Variants in POLQ observed in about 807,000 individuals in gnomAD.
POLQ encodes the protein epididymis secretory sperm binding protein.
A neutral mutation model predicts 259.2 loss-of-function variants in POLQ; 233 were observed. The observed-to-expected ratio is 0.90, with a 90% confidence interval of 0.81 to 1.00. The LOEUF (loss-of-function observed/expected upper bound fraction) is 1.00. Among genes scored for constraint, POLQ ranks in the 50% least tolerant of loss-of-function variants. POLQ has a pLI of 0.00. For synonymous variants in POLQ, 1,025 were observed against 1,048.8 expected, an observed-to-expected ratio of 0.98 and a Z score of 0.44; for missense variants, 2,871 against 3,051.6, an observed-to-expected ratio of 0.94 and a Z score of 1.39.
At position 121,487,615 on chromosome 3, in the gene POLQ, A is replaced by C. The variant is rs1401157698; in HGVS notation, c.5316T>G (p.Tyr1772Ter). 6.2e-7 allele frequency: 1 copy of C among 1,613,902 alleles called. No individual in the cohort carries two copies. Among genetic ancestry groups the C allele is most frequent in the Non-Finnish European group, 8.5e-7 (1 of 1,179,964 alleles). ...TAATATCTGAAGGTGAGCCAAATAA[A>C]TAACTTTCACCAGGTTGTAAAACAT... Reference protein sequence around the residue: ...TNNVLQPGESYLFGSPSDIKN... With the variant: ...TNNVLQPGES The change falls in exon 16 of 30, where the codon TAT becomes TAG. Residue 1772 changes from tyrosine to a stop codon, truncating the protein, a stop_gained. Coordinates refer to ENST00000264233, the MANE Select transcript of POLQ (RefSeq NM_199420.4). LOFTEE classifies it high-confidence loss of function.
At chr3:121,471,812 T>A (rs1035072646) in intron 22 of POLQ, among the ~76,000 whole-genome samples, 178 bp downstream of exon 22, 2 of 152,156 alleles carry the variant, frequency 1.3e-5, no homozygotes, top group East Asian at 3.8e-4. Flanking sequence ...CCAATACTCA[T>A]CTCTGTACCC....
chr3:121,519,794 T>A, intron 9 of POLQ, 77 bp downstream of exon 9: 2 of 797,354 alleles, frequency 2.5e-6, no homozygotes, highest in Non-Finnish European at 4.5e-6. Flanking sequence ...GAGAAACAGG[T>A]TGCCAGACAC....
At chr3:121,449,623 G>A (rs2047657062) in intron 25 of POLQ, among the ~76,000 whole-genome samples, 197 bp from the exon 26 acceptor site, 1 of 152,120 alleles carries the variant, frequency 6.6e-6, no homozygotes, top group African/African-American at 2.4e-5. Context: ...TACTTTTTGA[G>A]AGAGAGACAG....
intron 12 of POLQ, among the ~76,000 whole-genome samples, chr3:121,501,883 G>A (rs112510938): frequency 0.097 from 14,552 of 150,226 alleles, 1,025 homozygotes; most frequent in African/African-American, 0.19. Flanking sequence ...CCAGGGACTC[G>A]GGAGGCTGAG....
chr3:121,480,177 A>AT (rs940040457), intron 19 of POLQ, among the ~76,000 whole-genome samples: 6 of 151,456 alleles, frequency 4.0e-5, no homozygotes, highest in African/African-American at 1.2e-4. Context: ...TTGGAAAAAA[A>AT]ATATATATAT....
At chr3:121,499,925 T>C (rs1230388899) in intron 12 of POLQ, among the ~76,000 whole-genome samples, 5 of 152,136 alleles carry the variant, frequency 3.3e-5, no homozygotes, top group Non-Finnish European at 7.4e-5. Flanking sequence ...TCTCATTAAG[T>C]AGAGAATACA....
At chr3:121,476,330 T>C (rs2047924996) in intron 20 of POLQ, among the ~76,000 whole-genome samples, 1 of 152,152 alleles carries the variant, frequency 6.6e-6, no homozygotes, top group South Asian at 2.1e-4. Flanking sequence ...AGAAGTCCTC[T>C]TTATTACCTT....
intron 23 of POLQ, among the ~76,000 whole-genome samples, chr3:121,467,934 G>A (rs1184209631): frequency 6.6e-6 from 1 of 152,204 alleles, no homozygotes; most frequent in Non-Finnish European, 1.5e-5. Flanking sequence ...TCAGGAGGCT[G>A]AGGTGGGAGG....
chr3:121,478,261 A>T (rs2047942826), intron 19 of POLQ, among the ~76,000 whole-genome samples: 2 of 152,156 alleles, frequency 1.3e-5, no homozygotes. Context: ...AACCTTTCTA[A>T]GGGAAGATTT....
chr3:121,533,226 GA>G lies in POLQ; in HGVS notation c.741-18del. The G allele has an allele frequency of 6.7e-7, 1 of 1,491,860 alleles. No homozygotes were observed. The highest frequency in any genetic ancestry group is 9.1e-7 in the Non-Finnish European group (1 of 1,096,560). The allele number at this position is 1,491,860 out of a possible 1,614,324, so 92.4% of individuals were successfully genotyped here. A position where few individuals can be genotyped will look rare whatever the true frequency, so the allele number is the denominator to read the frequency against. ...TCTGCCTGACTGTAAAAAAACAAAT[GA>G]AAAGAACATTAAAAGATATATAATA... is the stretch of plus-strand genomic sequence containing the variant. On this transcript the variant is annotated intron_variant, in intron 5 of 29. Transcript: ENST00000264233.
intron 12 of POLQ, among the ~76,000 whole-genome samples, chr3:121,500,970 G>GT (rs2048162815): frequency 6.6e-6 from 1 of 152,098 alleles, no homozygotes; most frequent in African/African-American, 2.4e-5. Context: ...ACTAAACATT[G>GT]TTTTTTCTTT....
intron 15 of POLQ, 47 bp downstream of exon 15, chr3:121,493,431 T>A (rs201876680): frequency 1.4e-5 from 2 of 138,700 alleles, no homozygotes; most frequent in African/African-American, 8.1e-5. Flanking sequence ...AAAATTGACA[T>A]TTTTTTTTTA....
intron 24 of POLQ, among the ~76,000 whole-genome samples, chr3:121,461,383 T>G (rs2047789992): frequency 1.3e-5 from 2 of 152,190 alleles, no homozygotes; most frequent in South Asian, 4.1e-4. Flanking sequence ...CCAGGCACAG[T>G]GTCTCATGCC....
chr3:121,462,986 A>G (rs1194156755), intron 24 of POLQ, among the ~76,000 whole-genome samples: 3 of 152,234 alleles, frequency 2.0e-5, no homozygotes. Flanking sequence ...CAATGCTTCA[A>G]TATTTGTTTA....
Position 121,529,704 on chromosome 3 carries a change from C to T in POLQ, c.1049G>A (p.Cys350Tyr), listed in dbSNP as rs777928245. ...AGCAATGATATCTGCCAGCTTCTCA[C>T]ACCATTTCTTTGATGGACAAAAAAG... Reference protein sequence around the residue: ...VLLFCPSKKWCEKLADIIARE... With the variant: ...VLLFCPSKKWYEKLADIIARE... Residue 350 changes from cysteine to tyrosine, a missense_variant, in exon 7 of 30, where the codon TGT becomes TAT. Cys to Tyr is a radical substitution (Grantham distance 194). Coordinates refer to ENST00000264233, the MANE Select transcript of POLQ (RefSeq NM_199420.4). The T allele has an allele frequency of 7.4e-6, 12 of 1,613,064 alleles. No homozygotes were observed. The highest frequency in any genetic ancestry group is 4.4e-5 in the South Asian group (4 of 91,042).
rs776643228 is a variant in POLQ, at chr3:121,489,144, C to A, written c.3787G>T (p.Val1263Leu). 6.2e-7 allele frequency: 1 copy of A among 1,613,828 alleles called. No homozygotes were observed. The highest frequency in any genetic ancestry group is 8.5e-7 in the Non-Finnish European group (1 of 1,179,926). The change falls in exon 16 of 30, where the codon GTG (valine) becomes TTG (leucine). Residue 1263 changes from valine to leucine, a missense_variant. Coordinates refer to ENST00000264233, the MANE Select transcript of POLQ (RefSeq NM_199420.4). ...QALGDDISRT[V>L]IPSEVLPSAG... is the part of the protein sequence containing the mutation. ...GATGGAAGTACTTCACTGGGTATCA[C>A]AGTTCTGCTTATATCATCTCCTAAT...
intron 12 of POLQ, among the ~76,000 whole-genome samples, chr3:121,499,865 TAAAAAC>T (rs923256646): frequency 1.4e-4 from 21 of 152,276 alleles, no homozygotes; most frequent in African/African-American, 5.1e-4. Context: ...ATAAATATGG[TAAAAAC>T]AAAAACAAAA....
intron 13 of POLQ, among the ~76,000 whole-genome samples, chr3:121,497,391 TATAA>T (rs2048133527): frequency 6.6e-6 from 1 of 152,204 alleles, no homozygotes; most frequent in South Asian, 2.1e-4. Flanking sequence ...TTAACCATAT[TATAA>T]ATAATATATT....
In POLQ at chr3:121,537,180, C is replaced by A. The variant is rs753313654; in HGVS notation, c.660G>T (p.Met220Ile). 8 of 1,601,390 alleles carry A rather than the reference C, an allele frequency of 5.0e-6. No homozygotes were observed. The highest frequency in any genetic ancestry group is 6.8e-6 in the Non-Finnish European group (8 of 1,168,988). ...LGMVVVDELH[M>I]LGDSHRGYLL... ...GATACCCTCGGTGAGAGTCTCCCAG[C>A]ATATGTAATTCATCCACAACCACCA... The change falls in exon 5 of 30, where the codon ATG becomes ATT. Residue 220 changes from methionine (M) to isoleucine (I), a missense_variant. Physicochemically the swap from Met to Ile is conservative, Grantham distance 10. Coordinates refer to ENST00000264233, the MANE Select transcript of POLQ (RefSeq NM_199420.4).
Sources: gnomAD v4.1 joint callset for allele counts (sites outside exome capture counted in the v4.1 genomes callset) on GRCh38, gnomAD v4.1.1 for gene constraint, MANE v1.5 for transcripts, NCBI Gene and HGNC (gene_info 2026-07-23, HGNC 2026-07-21) for gene names.